Variants in EIF5B observed in about 807,000 individuals in gnomAD.
EIF5B encodes the protein eukaryotic translation initiation factor 5B.
In EIF5B, 47 loss-of-function variants were observed where a neutral mutation model predicts 147.5. The observed-to-expected ratio is 0.32, with a 90% CI of 0.25 to 0.41. The LOEUF is 0.41. Ranked by LOEUF, EIF5B falls within the 10% of genes least tolerant of loss-of-function variation. The pLI, the probability that EIF5B is intolerant of heterozygous loss-of-function variation, is 1.00. For synonymous variants in EIF5B, 455 were observed against 456.2 expected (o/e 1.00, Z 0.03); for missense variants, 1,064 against 1,413.2 (o/e 0.75, Z 3.96).
intron 1 of EIF5B, among the ~76,000 whole-genome samples, chr2:99,339,166 A>AT (rs2094253101): frequency 6.6e-6 from 1 of 151,576 alleles, no homozygotes; most frequent in African/African-American, 2.4e-5. Flanking sequence ...GGCATGCACC[A>AT]CCACATCCGG....
rs533362929 is a variant in EIF5B, at chr2:99,337,721, A to G, written c.35+132A>G. 588 of 1,211,920 alleles carry G rather than the reference A, an allele frequency of 4.9e-4. 5 individuals carry two copies. The African/African-American group carries it at 8.5e-3, about 18-fold the overall frequency. The allele number at this position is 1,211,920 out of a possible 1,614,324, so 75.1% of individuals were successfully genotyped here. ...CGCGGGGTACCAGGCCTGGGCCCAG[A>G]GTGTGCGGAGCGGGCCCAAGCCCCC... is the stretch of plus-strand genomic sequence containing the variant. On this transcript the variant is annotated intron_variant, in intron 1 of 23. Transcript: ENST00000289371.
At chr2:99,339,083 C>T (rs1173847353) in intron 1 of EIF5B, among the ~76,000 whole-genome samples, 31 of 147,912 alleles carry the variant, frequency 2.1e-4, no homozygotes, top group Non-Finnish European at 4.3e-4. Flanking sequence ...GGCGCGATCT[C>T]GGCTCACTGC....
At chr2:99,344,682 C>T (rs2094268755) in intron 1 of EIF5B, among the ~76,000 whole-genome samples, 1 of 152,166 alleles carries the variant, frequency 6.6e-6, no homozygotes, top group Admixed American at 6.6e-5. Context: ...AATGATCCAC[C>T]TGCTTCAGCT....
intron 1 of EIF5B, among the ~76,000 whole-genome samples, chr2:99,341,888 G>T (rs971157199): frequency 1.3e-5 from 2 of 152,092 alleles, no homozygotes; most frequent in African/African-American, 2.4e-5. Flanking sequence ...CATTTGATCT[G>T]CAGCATCATC....
intron 17 of EIF5B, among the ~76,000 whole-genome samples, chr2:99,392,684 A>G (rs1245942559): frequency 3.3e-5 from 5 of 152,112 alleles, no homozygotes; most frequent in African/African-American, 1.2e-4. Context: ...CTTCTGCATT[A>G]TCTTTCTTAC....
intron 14 of EIF5B, among the ~76,000 whole-genome samples, chr2:99,388,761 T>G (rs901815526): frequency 6.6e-6 from 1 of 152,192 alleles, no homozygotes; most frequent in Non-Finnish European, 1.5e-5. Flanking sequence ...ATGAGTGATA[T>G]GAGTATGTAG....
rs1675152797 is a variant in EIF5B at position 99,399,491 on chromosome 2, G to A, written c.*77G>A. The A allele has an allele frequency of 5.2e-6, 7 of 1,358,238 alleles. No individual in the cohort carries two copies. In the South Asian group the frequency reaches 7.3e-5, roughly 14 times the overall value. The allele number at this position is 1,358,238 out of a possible 1,614,324, so 84.1% of individuals were successfully genotyped here. ...TCCCAACAAAAATCAGACAAAAAATGGAACAGACGTATTTGGACACTGATG... is the reference window on the plus strand; with the variant it reads ...TCCCAACAAAAATCAGACAAAAAATAGAACAGACGTATTTGGACACTGATG... On this transcript the variant is annotated 3_prime_UTR_variant, in exon 24 of 24. Coordinates refer to ENST00000289371, the MANE Select transcript of EIF5B (RefSeq NM_015904.4).
intron 1 of EIF5B, among the ~76,000 whole-genome samples, chr2:99,352,348 A>G (rs752723537): frequency 1.3e-5 from 2 of 152,006 alleles, no homozygotes; most frequent in Non-Finnish European, 2.9e-5. Context: ...GGCATGCGCC[A>G]CCATGCCTGG....
intron 14 of EIF5B, 25 bp from the exon 15 acceptor site, chr2:99,389,693 C>A: frequency 6.3e-7 from 1 of 1,576,462 alleles, no homozygotes. Context: ...TTTTAGAGAT[C>A]TTTCTCATGA....
chr2:99,366,310 C>T (rs1674327631), intron 6 of EIF5B, among the ~76,000 whole-genome samples: 1 of 152,174 alleles, frequency 6.6e-6, no homozygotes, highest in African/African-American at 2.4e-5. Context: ...TTATTGGGAC[C>T]ACCCTTCAGG....
In EIF5B at chr2:99,399,439, G is replaced by GAGT; in HGVS notation, c.*27_*29dup. The GAGT allele has an allele frequency of 6.2e-7, 1 of 1,600,286 alleles. No homozygotes were observed. The highest frequency in any genetic ancestry group is 2.2e-5 in the East Asian group (1 of 44,734). On this transcript the variant is annotated 3_prime_UTR_variant, in exon 24 of 24. Coordinates refer to ENST00000289371, the MANE Select transcript of EIF5B (RefSeq NM_015904.4). ...ATTTTTTCACATGGAGCAGGAACTGGAGTAAATGCAATACTGTGTTGTAAT... is the reference window on the plus strand; with the variant it reads ...ATTTTTTCACATGGAGCAGGAACTGGAGTAGTAAATGCAATACTGTGTTGTAAT...
At chr2:99,396,050 C>T (rs7579403) in intron 21 of EIF5B, among the ~76,000 whole-genome samples, 93,669 of 151,932 alleles carry the variant, frequency 0.62, 29,647 homozygotes, top group African/African-American at 0.74. Flanking sequence ...GAGGCTCCCA[C>T]AGTCCAAGCA....
rs1674189843 is a variant in EIF5B, at chr2:99,360,639, T to A, written c.246+90T>A. The A allele has an allele frequency of 3.2e-6, 4 of 1,269,180 alleles. No homozygotes were observed. The Admixed American group carries it at 9.5e-5, about 30-fold the overall frequency. 78.6% of individuals were successfully genotyped at this position (1,269,180 alleles called of 1,614,324 possible). A position where few individuals can be genotyped will look rare whatever the true frequency, so the allele number is the denominator to read the frequency against. ...TTGGGGAGCTACATTTGGAAACTTT[T>A]GAGCAGTGTACAATATGTTATTTAA... On this transcript the variant is annotated intron_variant, in intron 3 of 23. Transcript: ENST00000289371.
intron 1 of EIF5B, chr2:99,338,241 CCA>C: frequency 8.9e-7 from 1 of 1,123,314 alleles, no homozygotes; most frequent in Non-Finnish European, 1.2e-6. Flanking sequence ...AAGAAACCAA[CCA>C]ACCGAGGTCG....
At chr2:99,389,654 A>T (rs1188605348) in intron 14 of EIF5B, 64 bp from the exon 15 acceptor site, 37 of 1,483,044 alleles carry the variant, frequency 2.5e-5, no homozygotes, top group Non-Finnish European at 3.4e-5. Context: ...TTCTGGAGCT[A>T]TTAATACAGT....
intron 5 of EIF5B, 94 bp from the exon 6 acceptor site, chr2:99,364,177 T>G (rs762155342): frequency 2.7e-6 from 4 of 1,472,590 alleles, no homozygotes; most frequent in Non-Finnish European, 3.6e-6. Context: ...TGCATGTGTC[T>G]CAAGAGATTT....
intron 1 of EIF5B, chr2:99,340,809 A>G (rs182759118): frequency 0.011 from 1,671 of 151,024 alleles, 9 homozygotes; most frequent in Middle Eastern, 0.024. Flanking sequence ...TTGCTCTGTC[A>G]CCCCGGGTGG....
At chr2:99,386,468 C>CGT (rs61494312) in intron 14 of EIF5B, among the ~76,000 whole-genome samples, 3,608 of 142,420 alleles carry the variant, frequency 0.025, 102 homozygotes, top group East Asian at 0.18. Context: ...TTTTGTTTTG[C>CGT]GTGTGTGTGT....
intron 1 of EIF5B, among the ~76,000 whole-genome samples, chr2:99,345,376 T>G (rs1341326502): frequency 6.6e-6 from 1 of 152,036 alleles, no homozygotes; most frequent in Non-Finnish European, 1.5e-5. Context: ...GTGGATCAGT[T>G]GAGCGTAGGA....
Sources: allele counts gnomAD v4.1 joint callset (sites outside exome capture counted in the v4.1 genomes callset), GRCh38; gene constraint gnomAD v4.1.1; transcripts MANE v1.5; gene names NCBI Gene and HGNC (gene_info 2026-07-23, HGNC 2026-07-21).